ITSN2: variants seen among roughly 807,000 people sequenced by gnomAD.
ITSN2 encodes the protein intersectin 2.
In ITSN2, 156 loss-of-function variants were observed where a neutral mutation model predicts 243.7. The observed-to-expected ratio is 0.64, with a 90% confidence interval of 0.56 to 0.73. ITSN2 has a LOEUF of 0.73. ITSN2 is among the 30% of genes least tolerant of loss of function. ITSN2 has a pLI of 0.00. For synonymous variants in ITSN2, 703 were observed against 699.9 expected (o/e 1.00, Z -0.07); for missense variants, 1,801 against 1,996.1 (o/e 0.90, Z 1.86).
Position 24,271,757 on chromosome 2 carries a change from T to C in ITSN2, c.2257+9A>G, listed in dbSNP as rs1677376431. The C allele has an allele frequency of 1.3e-6, 2 of 1,576,954 alleles. No individual in the cohort carries two copies. Among genetic ancestry groups the C allele is most frequent in the Admixed American group, 1.9e-5 (1 of 51,366 alleles). ...TTGTTCTACTGTCTCAAAGTATCCT[T>C]ATCCTTACGTTTTTTCTCCTCAGCT... is the stretch of plus-strand genomic sequence containing the variant. On this transcript the variant is annotated intron_variant, in intron 19 of 39. Coordinates refer to ENST00000355123, the MANE Select transcript of ITSN2 (RefSeq NM_006277.3).
chr2:24,210,226 C>A, intron 34 of ITSN2, 193 bp from the exon 35 acceptor site: 1 of 574,782 alleles, frequency 1.7e-6, no homozygotes. Context: ...CAGTGAAAAT[C>A]ATTACTTCTA....
Position 24,225,206 on chromosome 2 carries a change from A to G in ITSN2, c.3578-4140T>C, listed in dbSNP as rs2251331. ...CTCTTCGCCATTTCCTTCTTAGCCC[A>G]TAAACATTGCTAAGTGTCCCTCCTA... On this transcript the variant is annotated intron_variant, in intron 29 of 39. Transcript: ENST00000355123. This position sits in a 1 kb window ranked among gnomAD's most constrained non-coding sequence, Gnocchi z 4.2. 0.97 allele frequency among the ~76,000 whole-genome samples: 147,740 copies of G among 152,192 alleles called. 71,718 individuals are homozygous for G. The highest frequency in any genetic ancestry group is 0.99 in the East Asian group (5,110 of 5,154).
chr2:24,269,627 C>T (rs1253987184), intron 20 of ITSN2, among the ~76,000 whole-genome samples: 3 of 152,186 alleles, frequency 2.0e-5, no homozygotes, highest in Non-Finnish European at 4.4e-5. Flanking sequence ...TCCTCTACTG[C>T]TTTAGGTTGT....
chr2:24,251,836 C>T (rs983964811), intron 25 of ITSN2, among the ~76,000 whole-genome samples: 1 of 151,876 alleles, frequency 6.6e-6, no homozygotes, highest in African/African-American at 2.4e-5. Context: ...ATTAGCTATA[C>T]TGAACATACT....
intron 29 of ITSN2, among the ~76,000 whole-genome samples, chr2:24,227,970 A>G (rs1671210409): frequency 6.6e-6 from 1 of 152,188 alleles, no homozygotes; most frequent in Admixed American, 6.5e-5. Context: ...CATACATCTG[A>G]CAGGTAGTCC....
In ITSN2 at chr2:24,252,503, C is replaced by A. The variant is rs756742871; in HGVS notation, c.2962G>T (p.Ala988Ser). 1.6e-5 allele frequency: 25 copies of A among 1,609,012 alleles called. No homozygotes were observed. Among genetic ancestry groups the A allele is most frequent in the Non-Finnish European group, 2.1e-5 (25 of 1,176,482 alleles). The stretch of plus-strand genomic sequence containing the variant: ...TCCACACTTGAATATGGATAAAGTG[C>A]AATATATTCTGTAGGGAACAAAGCA... ...AAYSVGEEYI[A>S]LYPYSSVEPG... Residue 988 changes from alanine (A) to serine (S), a missense_variant, in exon 25 of 40, where the codon GCA becomes TCA. Transcript: ENST00000355123.
chr2:24,278,315 T>G (rs1166464431), intron 17 of ITSN2, among the ~76,000 whole-genome samples: 1 of 152,204 alleles, frequency 6.6e-6, no homozygotes, highest in African/African-American at 2.4e-5. Flanking sequence ...TATGATTGCC[T>G]CCTCCACTGA....
chr2:24,238,964 G>T lies in ITSN2; in HGVS notation c.3577+7165C>A, dbSNP rs1465681735. The stretch of plus-strand genomic sequence containing the variant: ...TTGTGTTCTTTTAATAAACACACTT[G>T]CATAGTTATATTACAATTTTGTAAA... On this transcript the variant is annotated intron_variant, in intron 29 of 39. Transcript: ENST00000355123. The T allele has an allele frequency of 5.3e-5, 8 of 152,168 alleles. No individual in the cohort carries two copies. The East Asian group carries it at 1.5e-3, about 29-fold the overall frequency. The allele number at this position is 152,168 out of a possible 1,614,324, so 9.4% of individuals were successfully genotyped here. A position where few individuals can be genotyped will look rare whatever the true frequency, so the allele number is the denominator to read the frequency against.
chr2:24,272,000 A>G, intron 18 of ITSN2, 59 bp from the exon 19 acceptor site: 2 of 1,299,820 alleles, frequency 1.5e-6, no homozygotes, highest in African/African-American at 1.5e-5. Flanking sequence ...CACTAAATAA[A>G]AACATACTAA....
At chr2:24,331,770 T>C (rs1206344551) in intron 1 of ITSN2, among the ~76,000 whole-genome samples, 1 of 152,184 alleles carries the variant, frequency 6.6e-6, no homozygotes, top group Admixed American at 6.5e-5. Flanking sequence ...AAAAGAGCAG[T>C]GGTTCTTCAG....
chr2:24,321,170 C>T (rs187145705), intron 2 of ITSN2, among the ~76,000 whole-genome samples: 366 of 152,254 alleles, frequency 2.4e-3, no homozygotes, highest in South Asian at 3.9e-3. Context: ...GGGTTTCTTC[C>T]CGAGCTTGGG....
At chr2:24,260,427 C>T (rs1184772891) in intron 22 of ITSN2, among the ~76,000 whole-genome samples, 1 of 146,302 alleles carries the variant, frequency 6.8e-6, no homozygotes, top group South Asian at 2.1e-4. Flanking sequence ...GCTAAATATA[C>T]GTTAAAAAGT....
chr2:24,288,429 T>C (rs1201351102), intron 15 of ITSN2, among the ~76,000 whole-genome samples: 4 of 152,138 alleles, frequency 2.6e-5, no homozygotes, highest in African/African-American at 7.2e-5. Flanking sequence ...TGTTTTAAAA[T>C]ATGTATACAT....
chr2:24,351,438 T>G (rs746614369), intron 1 of ITSN2, among the ~76,000 whole-genome samples: 18 of 152,286 alleles, frequency 1.2e-4, no homozygotes, highest in Non-Finnish European at 4.4e-5. Context: ...CAACTTGAGT[T>G]TGAATCCCAG....
At chr2:24,339,390 G>T (rs1427426223) in intron 1 of ITSN2, among the ~76,000 whole-genome samples, 2 of 150,818 alleles carry the variant, frequency 1.3e-5, no homozygotes, top group Admixed American at 6.6e-5. Context: ...AGGGTCACTT[G>T]AACTTGGAAG....
intron 7 of ITSN2, among the ~76,000 whole-genome samples, chr2:24,309,795 G>A (rs1386403442): frequency 6.6e-6 from 1 of 152,156 alleles, no homozygotes; most frequent in African/African-American, 2.4e-5. Flanking sequence ...TATGAATGTT[G>A]TTCTTCTGGG....
chr2:24,271,362 A>G (rs1328239234), intron 19 of ITSN2, among the ~76,000 whole-genome samples: 1 of 152,234 alleles, frequency 6.6e-6, no homozygotes, highest in African/African-American at 2.4e-5. Context: ...CAAAGGGTTC[A>G]TGTATCTAAA....
intron 29 of ITSN2, among the ~76,000 whole-genome samples, chr2:24,233,240 T>C (rs1164011069): frequency 1.3e-5 from 2 of 152,200 alleles, no homozygotes; most frequent in Non-Finnish European, 2.9e-5. Flanking sequence ...ATATAACTCA[T>C]GTTTTCCACT....
Position 24,275,709 on chromosome 2 carries a change from T to A in ITSN2, c.2081+4A>T. 6.2e-7 allele frequency: 1 copy of A among 1,605,230 alleles called. No homozygotes were observed. Among genetic ancestry groups the A allele is most frequent in the Non-Finnish European group, 8.5e-7 (1 of 1,173,986 alleles). On this transcript the variant is annotated splice_donor_region_variant and intron_variant, in intron 18 of 39. Coordinates refer to ENST00000355123, the MANE Select transcript of ITSN2 (RefSeq NM_006277.3). Reference sequence around the variant, plus strand: ...TAGCACAATAAATATATCAGCTATATTACCTTGCAGCCTCATCTTCTAGTT... The same window carrying A: ...TAGCACAATAAATATATCAGCTATAATACCTTGCAGCCTCATCTTCTAGTT...
Sources: gnomAD v4.1 joint callset for allele counts (sites outside exome capture counted in the v4.1 genomes callset) on GRCh38, gnomAD v4.1.1 for gene constraint, Gnocchi (gnomAD v3.1) non-coding constraint, MANE v1.5 for transcripts, NCBI Gene and HGNC (gene_info 2026-07-23, HGNC 2026-07-21) for gene names.